SNX4: variants seen among roughly 807,000 people sequenced by gnomAD.
The protein encoded by SNX4 is sorting nexin-4.
SNX4 carries 49 observed loss-of-function variants against 70.8 expected under a neutral mutation model. The observed-to-expected ratio is 0.69, with a 90% CI of 0.55 to 0.88. The LOEUF (loss-of-function observed/expected upper bound fraction) is 0.88, where lower values mean the gene tolerates loss of function less well. SNX4 is among the 40% of genes least tolerant of loss of function. SNX4 has a pLI of 0.00. For synonymous variants in SNX4, 206 were observed against 183.8 expected (o/e 1.12, Z -0.98); for missense variants, 528 against 544.8 (o/e 0.97, Z 0.31).
chr3:125,518,199 C>T (rs1165241252), intron 1 of SNX4, among the ~76,000 whole-genome samples: 1 of 152,074 alleles, frequency 6.6e-6, no homozygotes, highest in Non-Finnish European at 1.5e-5. Context: ...TGGTGTGTAC[C>T]TGTAACCCCA....
intron 11 of SNX4, among the ~76,000 whole-genome samples, chr3:125,454,932 TTTC>T (rs1237552808): frequency 6.6e-6 from 1 of 152,100 alleles, no homozygotes; most frequent in Non-Finnish European, 1.5e-5. Context: ...TCTAACTGAA[TTTC>T]TTTTTTTTTT....
chr3:125,506,584 T>C (rs9881397), intron 1 of SNX4, among the ~76,000 whole-genome samples: 80,833 of 147,382 alleles, frequency 0.55, 23,771 homozygotes, highest in African/African-American at 0.77. Context: ...CAGCTCACTG[T>C]AACCTCCACC....
At position 125,476,670 on chromosome 3, in the gene SNX4, T is replaced by C. The variant is rs562303953; in HGVS notation, c.788+25A>G. 4 of 1,419,812 alleles carry C rather than the reference T, an allele frequency of 2.8e-6. No individual in the cohort carries two copies. In the Admixed American group the frequency reaches 5.2e-5, roughly 18 times the overall value. 88.0% of individuals were successfully genotyped at this position (1,419,812 alleles called of 1,614,324 possible). On this transcript the variant is annotated intron_variant, in intron 8 of 13. Coordinates refer to ENST00000251775, the MANE Select transcript of SNX4 (RefSeq NM_003794.4). The stretch of plus-strand genomic sequence containing the variant: ...GCAAAAAGGTAATTAAAGCTAATTA[T>C]TTTTAAAGTTTGTATGATGCTTACC...
intron 8 of SNX4, among the ~76,000 whole-genome samples, 173 bp downstream of exon 8, chr3:125,476,522 G>C (rs1934292686): frequency 6.6e-6 from 1 of 152,050 alleles, no homozygotes; most frequent in African/African-American, 2.4e-5. Context: ...AGTGAGCCGA[G>C]ATCACATCAT....
At chr3:125,500,022 C>T (rs966171865) in intron 2 of SNX4, among the ~76,000 whole-genome samples, 41 of 151,774 alleles carry the variant, frequency 2.7e-4, no homozygotes, top group Admixed American at 7.9e-4. Context: ...ATCGCGCCAA[C>T]GCACTCCAGC....
chr3:125,510,356 G>A (rs1248826830), intron 1 of SNX4, among the ~76,000 whole-genome samples: 3 of 151,192 alleles, frequency 2.0e-5, no homozygotes, highest in Non-Finnish European at 2.9e-5. Flanking sequence ...TCAGCCTCCC[G>A]AGAAGCTGGG....
At chr3:125,475,166 TGACA>T (rs1414932996) in intron 8 of SNX4, among the ~76,000 whole-genome samples, 2 of 152,206 alleles carry the variant, frequency 1.3e-5, no homozygotes, top group Non-Finnish European at 2.9e-5. Flanking sequence ...CTGTCTCAAC[TGACA>T]TTTAATTTTA....
intron 2 of SNX4, among the ~76,000 whole-genome samples, chr3:125,502,368 T>G (rs1347609405): frequency 6.6e-6 from 1 of 151,914 alleles, no homozygotes; most frequent in Non-Finnish European, 1.5e-5. Context: ...TTTTAGAAGA[T>G]TCTTTTCTCT....
chr3:125,461,805 G>C (rs570071783), intron 9 of SNX4, among the ~76,000 whole-genome samples: 1 of 151,980 alleles, frequency 6.6e-6, no homozygotes, highest in African/African-American at 2.4e-5. Flanking sequence ...GGGACTACAG[G>C]TGCCTGTCAC....
At chr3:125,448,152 A>G (rs560818313) in intron 13 of SNX4, among the ~76,000 whole-genome samples, 5 of 148,204 alleles carry the variant, frequency 3.4e-5, no homozygotes, top group African/African-American at 1.2e-4. Flanking sequence ...TTTTTTTTGG[A>G]GATAGGGTCT....
chr3:125,496,487 C>T (rs1158899355), intron 5 of SNX4, among the ~76,000 whole-genome samples: 1 of 152,052 alleles, frequency 6.6e-6, no homozygotes, highest in African/African-American at 2.4e-5. Flanking sequence ...CTTGTCTAGA[C>T]ATATTATATT....
At chr3:125,498,319 C>A in intron 2 of SNX4, 125 bp from the exon 3 acceptor site, 2 of 933,904 alleles carry the variant, frequency 2.1e-6, no homozygotes, top group Non-Finnish European at 3.1e-6. Flanking sequence ...AAGAACTTTT[C>A]ATACATTTTT....
chr3:125,476,333 A>G (rs1206750783), intron 8 of SNX4, among the ~76,000 whole-genome samples: 1 of 149,686 alleles, frequency 6.7e-6, no homozygotes, highest in Admixed American at 6.7e-5. Context: ...GCACTTTCGG[A>G]GGCCTAGGCA....
chr3:125,495,618 C>G (rs1207844800), intron 5 of SNX4, among the ~76,000 whole-genome samples: 1 of 152,154 alleles, frequency 6.6e-6, no homozygotes, highest in South Asian at 2.1e-4. Flanking sequence ...AGCACCTACA[C>G]ATAAGATTCA....
intron 8 of SNX4, among the ~76,000 whole-genome samples, chr3:125,469,928 C>T (rs577138568): frequency 6.6e-6 from 1 of 152,256 alleles, no homozygotes; most frequent in African/African-American, 2.4e-5. Context: ...CTCTGATGAA[C>T]ATACCTGATT....
At chr3:125,498,865 G>C (rs1261584048) in intron 2 of SNX4, among the ~76,000 whole-genome samples, 1 of 152,152 alleles carries the variant, frequency 6.6e-6, no homozygotes, top group Non-Finnish European at 1.5e-5. Context: ...AGTTTAGCTA[G>C]TGTTTCATTA....
Position 125,485,640 on chromosome 3 carries a change from C to T in SNX4, c.653+3768G>A, listed in dbSNP as rs183416645. Among the ~76,000 whole-genome samples, 169 of 152,190 alleles carry T rather than the reference C, an allele frequency of 1.1e-3. 1 individual carries two copies. Among genetic ancestry groups the T allele is most frequent in the Non-Finnish European group, 4.1e-4 (28 of 68,004 alleles). On this transcript the variant is annotated intron_variant, in intron 6 of 13. Coordinates refer to ENST00000251775, the MANE Select transcript of SNX4 (RefSeq NM_003794.4). The stretch of plus-strand genomic sequence containing the variant: ...TTGCATACGGCTGTAGTTTTCTCTA[C>T]CTAGCTATTATACTGAAAATAAATC...
At chr3:125,500,665 G>GGT (rs1160618634) in intron 2 of SNX4, among the ~76,000 whole-genome samples, 1 of 151,644 alleles carries the variant, frequency 6.6e-6, no homozygotes, top group Non-Finnish European at 1.5e-5. Context: ...ACCCAGGCGT[G>GGT]GTGTTGCGCG....
intron 9 of SNX4, among the ~76,000 whole-genome samples, chr3:125,464,291 T>C (rs1933953187): frequency 6.6e-6 from 1 of 152,182 alleles, no homozygotes. Flanking sequence ...ACAAAAATTT[T>C]AAATTTGATG....
Sources: allele counts gnomAD v4.1 joint callset (sites outside exome capture counted in the v4.1 genomes callset), GRCh38; gene constraint gnomAD v4.1.1; transcripts MANE v1.5; gene names NCBI Gene and HGNC (gene_info 2026-07-23, HGNC 2026-07-21).